DSCAML1: variants seen among roughly 807,000 people sequenced by gnomAD.
DSCAML1 encodes the protein DS cell adhesion molecule like 1.
In DSCAML1, 38 loss-of-function variants were observed where a neutral mutation model predicts 200.5. That is an observed-to-expected ratio of 0.19 (90% confidence interval 0.15 to 0.25). The LOEUF (loss-of-function observed/expected upper bound fraction) is 0.25. Among genes scored for constraint, DSCAML1 ranks in the 10% least tolerant of loss-of-function variants. The pLI, the probability that DSCAML1 is intolerant of heterozygous loss-of-function variation, is 1.00. For synonymous variants in DSCAML1, 1,215 were observed against 1,165.0 expected (o/e 1.04, Z -0.87); for missense variants, 2,223 against 2,858.8 (o/e 0.78, Z 5.07).
intron 3 of DSCAML1, among the ~76,000 whole-genome samples, chr11:117,704,399 CCCA>C (rs2053722697): frequency 6.6e-6 from 1 of 152,096 alleles, no homozygotes; most frequent in Admixed American, 6.5e-5. Flanking sequence ...CTGGCTGCAC[CCCA>C]CATTTACCCC....
chr11:117,454,849 T>C lies in DSCAML1; in HGVS notation c.3568+3905A>G, dbSNP rs2048344092. ...GATGATTTGAAGGTGAACTGTCTGC[T>C]TTTGGTCCACTTTTACCCTTAGAGT... On this transcript the variant is annotated intron_variant, in intron 19 of 32. Transcript: ENST00000651296. Among the ~76,000 whole-genome samples the C allele has an allele frequency of 3.3e-5, 5 of 152,222 alleles. No individual in the cohort carries two copies. In the South Asian group the frequency reaches 1.0e-3, roughly 32 times the overall value.
At chr11:117,607,677 C>A (rs2137523133) in intron 3 of DSCAML1, among the ~76,000 whole-genome samples, 1 of 152,252 alleles carries the variant, frequency 6.6e-6, no homozygotes, top group South Asian at 2.1e-4. Flanking sequence ...AGAGAGCAGC[C>A]CCCACACCTT....
At chr11:117,791,487 C>A (rs2055466251) in intron 1 of DSCAML1, among the ~76,000 whole-genome samples, 2 of 152,246 alleles carry the variant, frequency 1.3e-5, no homozygotes, top group South Asian at 4.1e-4. Context: ...CCAACCCCAG[C>A]CTTCCTTTGG....
intron 3 of DSCAML1, among the ~76,000 whole-genome samples, chr11:117,567,580 G>A (rs1386560367): frequency 1.3e-5 from 2 of 152,140 alleles, no homozygotes; most frequent in Admixed American, 1.3e-4. Context: ...GCTCTTTAGA[G>A]AATACTATAA....
At chr11:117,761,045 G>T (rs2054792186) in intron 3 of DSCAML1, among the ~76,000 whole-genome samples, 1 of 152,144 alleles carries the variant, frequency 6.6e-6, no homozygotes. Context: ...GGTCACATCT[G>T]GATACTTGGC....
At chr11:117,477,272 T>C (rs545172788) in intron 14 of DSCAML1, among the ~76,000 whole-genome samples, 30 of 151,622 alleles carry the variant, frequency 2.0e-4, no homozygotes, top group Admixed American at 1.7e-3. Context: ...TTCCCTTGGA[T>C]ACCTTTTTCA....
intron 3 of DSCAML1, among the ~76,000 whole-genome samples, chr11:117,604,626 T>A (rs680292): frequency 1.6e-3 from 248 of 152,294 alleles, no homozygotes; most frequent in African/African-American, 4.5e-3. Flanking sequence ...GATGGGGCGG[T>A]CCAAGCCCGT....
rs1166795989 is a variant in DSCAML1 at position 117,503,031 on chromosome 11, C to T, written c.2359+814G>A. ...TGGACGTGGCCCTTCTGATGTGATT[C>T]CCAGGAATCCATTATACAGACACCT... On this transcript the variant is annotated intron_variant, in intron 11 of 32. Coordinates refer to ENST00000651296, the MANE Select transcript of DSCAML1 (RefSeq NM_020693.4). This position sits in a 1 kb window ranked among gnomAD's most constrained non-coding sequence, Gnocchi z 5.2. Among the ~76,000 whole-genome samples the T allele has an allele frequency of 6.6e-6, 1 of 152,130 alleles. No individual in the cohort carries two copies. Among genetic ancestry groups the T allele is most frequent in the Non-Finnish European group, 1.5e-5 (1 of 68,030 alleles).
chr11:117,607,211 C>T (rs759328519), intron 3 of DSCAML1, among the ~76,000 whole-genome samples: 19 of 152,346 alleles, frequency 1.2e-4, no homozygotes, highest in Non-Finnish European at 2.2e-4. Flanking sequence ...GACACCAACA[C>T]GGCCTTTTCG....
intron 3 of DSCAML1, among the ~76,000 whole-genome samples, chr11:117,563,265 G>C (rs977326428): frequency 1.3e-5 from 2 of 152,192 alleles, no homozygotes; most frequent in African/African-American, 4.8e-5. Context: ...AAAGGAAAGA[G>C]AGAGGGGAAA....
At chr11:117,702,567 T>C (rs1053518674) in intron 3 of DSCAML1, among the ~76,000 whole-genome samples, 1 of 152,100 alleles carries the variant, frequency 6.6e-6, no homozygotes, top group African/African-American at 2.4e-5. Context: ...CTGTCACTGT[T>C]GATTTATTGC....
intron 3 of DSCAML1, among the ~76,000 whole-genome samples, chr11:117,567,349 A>C (rs1274721380): frequency 1.3e-5 from 2 of 151,706 alleles, no homozygotes; most frequent in Non-Finnish European, 2.9e-5. Flanking sequence ...GCATTTTTTC[A>C]TGTGTTTTTT....
intron 8 of DSCAML1, among the ~76,000 whole-genome samples, chr11:117,513,614 G>A (rs887348764): frequency 2.0e-5 from 3 of 151,954 alleles, no homozygotes; most frequent in Non-Finnish European, 2.9e-5. Context: ...GGTGGCGTGC[G>A]CCTGTAGTCC....
At chr11:117,657,369 C>A (rs768652209) in intron 3 of DSCAML1, among the ~76,000 whole-genome samples, 18 of 152,182 alleles carry the variant, frequency 1.2e-4, no homozygotes, top group Non-Finnish European at 2.2e-4. Context: ...AACAGGGAAA[C>A]AGAAACAAAT....
At chr11:117,487,027 T>G (rs2049086652) in intron 11 of DSCAML1, among the ~76,000 whole-genome samples, 2 of 147,378 alleles carry the variant, frequency 1.4e-5, no homozygotes. Context: ...TGGATTCAAG[T>G]GATTCTCCTG....
chr11:117,790,487 G>A lies in DSCAML1; in HGVS notation c.46+6547C>T, dbSNP rs183312677. Among the ~76,000 whole-genome samples the A allele has an allele frequency of 3.1e-3, 471 of 152,346 alleles. 8 individuals are homozygous for A. The highest frequency in any genetic ancestry group is 5.0e-4 in the Non-Finnish European group (34 of 68,034). ...AATTCTCCATATGTTGGGGCCCACG[G>A]AGGGGGAGACAGCCACAAACAGCTG... On this transcript the variant is annotated intron_variant, in intron 1 of 32. Coordinates refer to ENST00000651296, the MANE Select transcript of DSCAML1 (RefSeq NM_020693.4).
intron 3 of DSCAML1, among the ~76,000 whole-genome samples, chr11:117,766,176 C>A (rs573498853): frequency 2.6e-5 from 4 of 152,308 alleles, no homozygotes; most frequent in Non-Finnish European, 5.9e-5. Flanking sequence ...CGCACAGAAC[C>A]GCAGCACCGT....
At chr11:117,772,442 C>G (rs2055056668) in intron 3 of DSCAML1, among the ~76,000 whole-genome samples, 1 of 152,190 alleles carries the variant, frequency 6.6e-6, no homozygotes, top group South Asian at 2.1e-4. Flanking sequence ...GGCACGGTGA[C>G]AACTCAGTAT....
At chr11:117,433,013 G>A in intron 29 of DSCAML1, 125 bp downstream of exon 29, 1 of 785,100 alleles carries the variant, frequency 1.3e-6, no homozygotes, top group South Asian at 1.5e-5. Flanking sequence ...AGGTTGTTGA[G>A]TGGTTGATGG....
Sources: gnomAD v4.1 joint callset for allele counts (sites outside exome capture counted in the v4.1 genomes callset) on GRCh38, gnomAD v4.1.1 for gene constraint, Gnocchi (gnomAD v3.1) non-coding constraint, MANE v1.5 for transcripts, NCBI Gene and HGNC (gene_info 2026-07-23, HGNC 2026-07-21) for gene names.